DMRT1: variants seen among roughly 807,000 people sequenced by gnomAD.
DMRT1 encodes the protein doublesex and mab-3 related transcription factor 1, also known as doublesex- and mab-3-related transcription factor 1.
A neutral mutation model predicts 32.3 loss-of-function variants in DMRT1; 7 were observed. The ratio of observed to expected loss-of-function variants is 0.22; its 90% CI spans 0.12 to 0.41. The LOEUF (loss-of-function observed/expected upper bound fraction) is 0.41. DMRT1 is among the 10% of genes least tolerant of loss of function. The pLI, the probability that DMRT1 is intolerant of heterozygous loss-of-function variation, is 1.00. For missense variants in DMRT1, 625 were observed against 500.5 expected, an observed-to-expected ratio of 1.25 and a Z score of -2.37; for synonymous variants, 278 against 206.1, an observed-to-expected ratio of 1.35 and a Z score of -2.99.
chr9:853,730 C>G (rs1157846619), intron 2 of DMRT1, among the ~76,000 whole-genome samples: 1 of 151,934 alleles, frequency 6.6e-6, no homozygotes, highest in Non-Finnish European at 1.5e-5. Context: ...GTCTTGAACT[C>G]CTGACCTCAG....
At chr9:871,778 T>A (rs560893778) in intron 2 of DMRT1, among the ~76,000 whole-genome samples, 1 of 151,332 alleles carries the variant, frequency 6.6e-6, no homozygotes, top group South Asian at 2.1e-4. Flanking sequence ...CTGGCCGGCC[T>A]AGTCTTTGAA....
At chr9:855,627 T>C (rs1200356276) in intron 2 of DMRT1, among the ~76,000 whole-genome samples, 2 of 152,258 alleles carry the variant, frequency 1.3e-5, no homozygotes, top group Non-Finnish European at 2.9e-5. Flanking sequence ...ATCTGAATTT[T>C]TTTTCTTTTT....
At chr9:929,036 G>A (rs1019726387) in intron 4 of DMRT1, among the ~76,000 whole-genome samples, 2 of 151,582 alleles carry the variant, frequency 1.3e-5, no homozygotes, top group African/African-American at 2.4e-5. Flanking sequence ...ATGGGGTTTC[G>A]CTATGTTGGC....
intron 2 of DMRT1, among the ~76,000 whole-genome samples, chr9:851,715 G>A (rs1380797979): frequency 1.3e-5 from 2 of 152,130 alleles, no homozygotes; most frequent in Non-Finnish European, 2.9e-5. Context: ...GCCTCTCTGA[G>A]GAGGATAACA....
At position 916,681 on chromosome 9, in the gene DMRT1, G is replaced by C; in HGVS notation, c.823-82G>C. ...GCCACTGTGCCCAGCCTGTTACCTT[G>C]TTTTAAAGAACTAGATAATTATTGT... On this transcript the variant is annotated intron_variant, in intron 3 of 4. Transcript: ENST00000382276. 3 of 1,549,958 alleles carry C rather than the reference G, an allele frequency of 1.9e-6. No homozygotes were observed. In the South Asian group the frequency reaches 3.3e-5, roughly 17 times the overall value.
intron 2 of DMRT1, among the ~76,000 whole-genome samples, chr9:858,840 C>T (rs10977161): frequency 0.93 from 137,604 of 148,066 alleles, 64,065 homozygotes; most frequent in Middle Eastern, 0.98. Flanking sequence ...CGCCATTGCA[C>T]TCCAGTCTGT....
At chr9:897,157 G>T (rs1252567101) in intron 3 of DMRT1, among the ~76,000 whole-genome samples, 1 of 150,840 alleles carries the variant, frequency 6.6e-6, no homozygotes, top group Non-Finnish European at 1.5e-5. Flanking sequence ...CTGTCGCCCA[G>T]GCTGGGGTGC....
At chr9:877,370 G>A (rs371725276) in intron 2 of DMRT1, among the ~76,000 whole-genome samples, 2 of 152,172 alleles carry the variant, frequency 1.3e-5, no homozygotes, top group South Asian at 2.1e-4. Flanking sequence ...TGAAGGAGGC[G>A]ATGGTAGAGG....
intron 3 of DMRT1, among the ~76,000 whole-genome samples, chr9:905,417 A>T (rs1018148569): frequency 1.3e-5 from 2 of 152,040 alleles, no homozygotes; most frequent in Non-Finnish European, 2.9e-5. Context: ...GAGTATTTGT[A>T]TAAAACCAAA....
At chr9:924,081 T>TC (rs1564254234) in intron 4 of DMRT1, among the ~76,000 whole-genome samples, 1 of 69,580 alleles carries the variant, frequency 1.4e-5, no homozygotes, top group African/African-American at 4.0e-5. Context: ...TTTTTTTTTT[T>TC]TTTTTTTCCA....
intron 3 of DMRT1, among the ~76,000 whole-genome samples, chr9:911,470 A>ATTTTTTGTTTTTTT (rs1817978994): frequency 1.5e-5 from 1 of 66,950 alleles, no homozygotes; most frequent in African/African-American, 3.9e-5. Context: ...GGTTAATTGC[A>ATTTTTTGTTTTTTT]TTTTTTTTTT....
chr9:844,608 C>T (rs1001857973), intron 1 of DMRT1, among the ~76,000 whole-genome samples: 1 of 150,972 alleles, frequency 6.6e-6, no homozygotes, highest in Non-Finnish European at 1.5e-5. Context: ...AAGTCGAAGA[C>T]TTTTTTTTGG....
intron 2 of DMRT1, among the ~76,000 whole-genome samples, chr9:870,733 A>G (rs1332596987): frequency 2.7e-5 from 1 of 37,264 alleles, no homozygotes; most frequent in African/African-American, 1.5e-4. Context: ...TTTTTTTGAG[A>G]CAGGGTCTTA....
chr9:885,355 G>A (rs1564223565), intron 2 of DMRT1, among the ~76,000 whole-genome samples: 1 of 152,164 alleles, frequency 6.6e-6, no homozygotes, highest in Non-Finnish European at 1.5e-5. Flanking sequence ...GATCACATGT[G>A]GGCTTGGAGA....
At chr9:848,908 G>C (rs1010856944) in intron 2 of DMRT1, among the ~76,000 whole-genome samples, 1 of 144,606 alleles carries the variant, frequency 6.9e-6, no homozygotes, top group African/African-American at 2.6e-5. Context: ...CGATCTTTAT[G>C]CTTTAAGATT....
intron 2 of DMRT1, among the ~76,000 whole-genome samples, chr9:872,862 C>T (rs934365616): frequency 6.6e-6 from 1 of 152,162 alleles, no homozygotes; most frequent in South Asian, 2.1e-4. Flanking sequence ...TTTTCAAAAG[C>T]GGGTGCACCG....
At chr9:894,382 A>C in intron 3 of DMRT1, 187 bp downstream of exon 3, 16 of 644,444 alleles carry the variant, frequency 2.5e-5, no homozygotes, top group East Asian at 5.6e-5. Flanking sequence ...AATATGCAAA[A>C]TGTGTAAGGA....
Position 893,941 on chromosome 9 carries a change from G to A in DMRT1, c.568G>A (p.Ala190Thr). ...ACGTATGGTCATCCAGGATATTCCT[G>A]CTGTCACCAGCAGAGGGCATGTGGA... ...EGRMVIQDIP[A>T]VTSRGHVENT... is the part of the protein sequence containing the mutation. The change falls in exon 3 of 5, where the codon GCT (alanine) becomes ACT (threonine). Residue 190 changes from alanine (A) to threonine (T), a missense_variant. Physicochemically the swap from Ala to Thr is moderately conservative, Grantham distance 58 (BLOSUM62 0). Transcript: ENST00000382276. The A allele has an allele frequency of 1.9e-6, 3 of 1,614,116 alleles. No homozygotes were observed. The highest frequency in any genetic ancestry group is 2.5e-6 in the Non-Finnish European group (3 of 1,180,012).
chr9:887,153 C>G (rs906480331), intron 2 of DMRT1, among the ~76,000 whole-genome samples: 1 of 152,182 alleles, frequency 6.6e-6, no homozygotes, highest in Non-Finnish European at 1.5e-5. Flanking sequence ...ATCAGGAGAT[C>G]ACGCCACTGC....
Sources: allele counts gnomAD v4.1 joint callset (sites outside exome capture counted in the v4.1 genomes callset), GRCh38; gene constraint gnomAD v4.1.1; transcripts MANE v1.5; gene names NCBI Gene and HGNC (gene_info 2026-07-23, HGNC 2026-07-21).